ARHGAP10: variants seen among roughly 807,000 people sequenced by gnomAD.
The protein encoded by ARHGAP10 is Rho GTPase activating protein 10.
A neutral mutation model predicts 108.6 loss-of-function variants in ARHGAP10; 87 were observed. The ratio of observed to expected loss-of-function variants is 0.80; its 90% CI spans 0.67 to 0.96. The LOEUF (loss-of-function observed/expected upper bound fraction) is 0.96, where lower values mean the gene tolerates loss of function less well. ARHGAP10 is among the 40% of genes least tolerant of loss of function. ARHGAP10 has a pLI of 0.00. For synonymous variants in ARHGAP10, 347 were observed against 341.1 expected (o/e 1.02, Z -0.19); for missense variants, 939 against 954.5 (o/e 0.98, Z 0.21).
At position 147,786,546 on chromosome 4, in the gene ARHGAP10, A is replaced by G. The variant is rs1432182042; in HGVS notation, c.155-36181A>G. Among the ~76,000 whole-genome samples, 3 of 152,154 alleles carry G rather than the reference A, an allele frequency of 2.0e-5. 1 individual carries two copies. Among genetic ancestry groups the G allele is most frequent in the African/African-American group, 4.8e-5 (2 of 41,428 alleles). ...CCCATCTGCAGGAGCAAAAGGGGGG[A>G]AAATTCCATGAAACGTTGAGTTTCA... On this transcript the variant is annotated intron_variant, in intron 1 of 22. Coordinates refer to ENST00000336498, the MANE Select transcript of ARHGAP10 (RefSeq NM_024605.4).
rs113021755 is a variant in ARHGAP10 at position 148,057,158 on chromosome 4, G to A, written c.2028-5990G>A. Among the ~76,000 whole-genome samples the A allele has an allele frequency of 2.4e-3, 371 of 152,306 alleles. 4 individuals carry two copies. The highest frequency in any genetic ancestry group is 7.7e-3 in the African/African-American group (322 of 41,556). On this transcript the variant is annotated intron_variant, in intron 20 of 22. Coordinates refer to ENST00000336498, the MANE Select transcript of ARHGAP10 (RefSeq NM_024605.4). ...TAGCTATTGACAAAAAGAGGAACAA[G>A]CCTAGGGGAGGAAGAAACTGCAAGC...
intron 15 of ARHGAP10, among the ~76,000 whole-genome samples, chr4:147,951,444 AG>A (rs1738596528): frequency 6.8e-6 from 1 of 146,792 alleles, no homozygotes; most frequent in South Asian, 2.2e-4. Flanking sequence ...ATGGGAATGT[AG>A]GGGGAAAAGG....
chr4:147,933,344 T>C (rs1354995141), intron 13 of ARHGAP10, among the ~76,000 whole-genome samples: 3 of 152,212 alleles, frequency 2.0e-5, no homozygotes, highest in Non-Finnish European at 4.4e-5. Flanking sequence ...TCCTTCTCCC[T>C]CAGCCTCCCA....
intron 16 of ARHGAP10, among the ~76,000 whole-genome samples, chr4:147,960,510 T>G (rs1025996829): frequency 3.9e-5 from 6 of 152,186 alleles, no homozygotes; most frequent in Non-Finnish European, 7.3e-5. Flanking sequence ...ATAAAATAGG[T>G]TGTTTAGGCA....
chr4:147,935,970 C>T (rs1737914413), intron 13 of ARHGAP10, among the ~76,000 whole-genome samples: 3 of 152,202 alleles, frequency 2.0e-5, no homozygotes, highest in South Asian at 4.1e-4. Context: ...TAATTACTGG[C>T]ACAGAGTGAT....
chr4:147,920,361 G>A (rs748123137), intron 13 of ARHGAP10, among the ~76,000 whole-genome samples: 1 of 151,858 alleles, frequency 6.6e-6, no homozygotes, highest in Non-Finnish European at 1.5e-5. Context: ...AGCTTGCAAT[G>A]AGCGGATTGC....
chr4:147,978,659 A>C (rs189110539), intron 18 of ARHGAP10, among the ~76,000 whole-genome samples: 1 of 152,240 alleles, frequency 6.6e-6, no homozygotes, highest in East Asian at 1.9e-4. Context: ...CCTCCCAGCC[A>C]TGCTTCATGT....
intron 3 of ARHGAP10, among the ~76,000 whole-genome samples, chr4:147,841,796 C>T (rs1036889773): frequency 6.6e-6 from 1 of 152,090 alleles, no homozygotes; most frequent in Non-Finnish European, 1.5e-5. Flanking sequence ...TAATTTTAAG[C>T]TCTTCAAAGT....
At chr4:147,841,286 C>A (rs1733405947) in intron 3 of ARHGAP10, among the ~76,000 whole-genome samples, 1 of 152,240 alleles carries the variant, frequency 6.6e-6, no homozygotes. Context: ...TTTGCGACTT[C>A]TTTTCTTGGC....
At chr4:147,844,756 G>T (rs1171429464) in intron 3 of ARHGAP10, among the ~76,000 whole-genome samples, 2 of 152,146 alleles carry the variant, frequency 1.3e-5, no homozygotes, top group African/African-American at 4.8e-5. Context: ...TACTTCTGTT[G>T]TTGGTTGCCT....
intron 13 of ARHGAP10, among the ~76,000 whole-genome samples, chr4:147,929,523 A>G (rs374036499): frequency 6.6e-6 from 1 of 152,208 alleles, no homozygotes; most frequent in East Asian, 1.9e-4. Flanking sequence ...AGTGCTTACT[A>G]TACTTAAACA....
At chr4:147,988,747 T>C (rs1003737573) in intron 18 of ARHGAP10, among the ~76,000 whole-genome samples, 1 of 152,140 alleles carries the variant, frequency 6.6e-6, no homozygotes, top group Admixed American at 6.5e-5. Flanking sequence ...TGTTGACTTT[T>C]CCCCCACACT....
At chr4:147,915,514 T>C (rs2126925030) in intron 13 of ARHGAP10, among the ~76,000 whole-genome samples, 1 of 152,340 alleles carries the variant, frequency 6.6e-6, no homozygotes, top group Non-Finnish European at 1.5e-5. Flanking sequence ...CAGATCTATC[T>C]AGAAGGCTTT....
chr4:147,919,538 T>G (rs1737143995), intron 13 of ARHGAP10, among the ~76,000 whole-genome samples: 1 of 151,684 alleles, frequency 6.6e-6, no homozygotes, highest in African/African-American at 2.4e-5. Flanking sequence ...TTGCTGCACA[T>G]TGAAATTACC....
chr4:147,904,899 T>A (rs955155313), intron 10 of ARHGAP10, among the ~76,000 whole-genome samples: 10 of 152,268 alleles, frequency 6.6e-5, no homozygotes, highest in Non-Finnish European at 1.2e-4. Flanking sequence ...ATCTGTTGTT[T>A]CCTGACTTTT....
rs542715415 is a variant in ARHGAP10 at position 147,836,348 on chromosome 4, T to C, written c.313-10803T>C. Among the ~76,000 whole-genome samples, 5 of 152,292 alleles carry C rather than the reference T, an allele frequency of 3.3e-5. No individual in the cohort carries two copies. The East Asian group carries it at 5.8e-4, about 18-fold the overall frequency. ...CTTAATCCTCTTTAATAGGACTAGG[T>C]TTCAAGTTTTTCACAGTTCAGGATT... On this transcript the variant is annotated intron_variant, in intron 3 of 22. Coordinates refer to ENST00000336498, the MANE Select transcript of ARHGAP10 (RefSeq NM_024605.4).
intron 15 of ARHGAP10, 26 bp downstream of exon 15, chr4:147,946,730 G>A: frequency 1.3e-6 from 2 of 1,536,326 alleles, no homozygotes; most frequent in Non-Finnish European, 1.8e-6. Context: ...TAGCAAGAAA[G>A]AAGAATGGAC....
chr4:147,989,692 T>C (rs913272773), intron 18 of ARHGAP10, among the ~76,000 whole-genome samples: 3 of 152,248 alleles, frequency 2.0e-5, no homozygotes, highest in Admixed American at 6.5e-5. Flanking sequence ...CAATTGCTCT[T>C]ATCTTGTTCT....
intron 18 of ARHGAP10, among the ~76,000 whole-genome samples, chr4:148,003,076 A>G (rs1326932938): frequency 2.6e-5 from 4 of 152,190 alleles, no homozygotes; most frequent in African/African-American, 9.6e-5. Flanking sequence ...CCTTCTACAC[A>G]CTGCGTTAAA....
Sources: gnomAD v4.1 joint callset for allele counts (sites outside exome capture counted in the v4.1 genomes callset) on GRCh38, gnomAD v4.1.1 for gene constraint, MANE v1.5 for transcripts, NCBI Gene and HGNC (gene_info 2026-07-23, HGNC 2026-07-21) for gene names.